The following MSRA variants were observed in gnomAD, a reference collection of about 807,000 sequenced individuals.
MSRA encodes the protein methionine sulfoxide reductase A.
Under a neutral mutation model 31.3 loss-of-function variants are expected in MSRA, and 54 were observed. The ratio of observed to expected loss-of-function variants is 1.73; its 90% CI spans 1.39 to 2.17. MSRA has a LOEUF of 2.17. Among genes scored for constraint, MSRA ranks in the 30% most tolerant of loss-of-function variants. The probability of loss-of-function intolerance (pLI) is 0.00; values close to 1 mark genes in which losing one functional copy is unlikely to be tolerated. For missense variants in MSRA, 507 were observed against 300.9 expected, an observed-to-expected ratio of 1.69 and a Z score of -5.07; for synonymous variants, 169 against 116.5, an observed-to-expected ratio of 1.45 and a Z score of -2.90.
At chr8:10,149,057 G>C (rs1803417644) in intron 1 of MSRA, among the ~76,000 whole-genome samples, 1 of 151,358 alleles carries the variant, frequency 6.6e-6, no homozygotes, top group South Asian at 2.1e-4. Flanking sequence ...CCAGGTTCCA[G>C]TGATTGTCTT....
intron 5 of MSRA, among the ~76,000 whole-genome samples, chr8:10,422,457 A>G (rs980427467): frequency 2.0e-5 from 3 of 152,220 alleles, no homozygotes; most frequent in Admixed American, 6.5e-5. Flanking sequence ...TCATTGAGGA[A>G]GAGTCTGTGA....
At chr8:10,417,343 G>T (rs1355222089) in intron 5 of MSRA, among the ~76,000 whole-genome samples, 1 of 151,930 alleles carries the variant, frequency 6.6e-6, no homozygotes, top group Non-Finnish European at 1.5e-5. Context: ...CAATTCCATT[G>T]TCCCAGAGCC....
intron 1 of MSRA, among the ~76,000 whole-genome samples, chr8:10,059,562 A>G (rs999352968): frequency 2.0e-5 from 3 of 152,216 alleles, no homozygotes; most frequent in Non-Finnish European, 4.4e-5. Flanking sequence ...GGTGTGAGGA[A>G]AGCCATGACT....
rs566059862 is a variant in MSRA, at chr8:10,330,532, C to G, written c.543+10543C>G. Among the ~76,000 whole-genome samples, 7 of 152,294 alleles carry G rather than the reference C, an allele frequency of 4.6e-5. No homozygotes were observed. In the East Asian group the frequency reaches 1.4e-3, roughly 29 times the overall value. On this transcript the variant is annotated intron_variant, in intron 5 of 5. Transcript: ENST00000317173. ...TACCTTATCAAATATTAATTATGTACAGATTCATTGCCAGACTTGCATTAC... is the reference window on the plus strand; with the variant it reads ...TACCTTATCAAATATTAATTATGTAGAGATTCATTGCCAGACTTGCATTAC...
rs149780758 is a variant in MSRA, at chr8:10,075,013, C to T, written c.142+20355C>T. Among the ~76,000 whole-genome samples, 7 of 152,284 alleles carry T rather than the reference C, an allele frequency of 4.6e-5. No homozygotes were observed. The East Asian group carries it at 1.4e-3, about 29-fold the overall frequency. ...CTTCTGTTTACCCATTACTGCCAAC[C>T]CATTTGACCCTCCTTGCTTAGGAAT... On this transcript the variant is annotated intron_variant, in intron 1 of 5. Coordinates refer to ENST00000317173, the MANE Select transcript of MSRA (RefSeq NM_012331.5).
At chr8:10,245,554 A>T (rs1475589296) in intron 3 of MSRA, among the ~76,000 whole-genome samples, 1 of 152,148 alleles carries the variant, frequency 6.6e-6, no homozygotes, top group African/African-American at 2.4e-5. Context: ...CTCACCTGGG[A>T]TTTGCTCATG....
intron 2 of MSRA, among the ~76,000 whole-genome samples, chr8:10,239,115 C>T (rs892465535): frequency 9.2e-5 from 14 of 151,990 alleles, no homozygotes; most frequent in Non-Finnish European, 1.6e-4. Flanking sequence ...GGCCCATATA[C>T]TATGTGAAGA....
chr8:10,197,392 G>C (rs1397203509), intron 1 of MSRA, among the ~76,000 whole-genome samples: 1 of 152,174 alleles, frequency 6.6e-6, no homozygotes, highest in Non-Finnish European at 1.5e-5. Context: ...GGCTAGTCTG[G>C]TGCTTGCCGG....
intron 4 of MSRA, among the ~76,000 whole-genome samples, chr8:10,318,094 C>T (rs1163483524): frequency 6.6e-6 from 1 of 152,188 alleles, no homozygotes; most frequent in East Asian, 1.9e-4. Flanking sequence ...CATCCAGAAG[C>T]ACTTTGTTCC....
intron 1 of MSRA, among the ~76,000 whole-genome samples, chr8:10,127,223 T>C (rs1241438036): frequency 1.3e-5 from 2 of 152,172 alleles, no homozygotes; most frequent in Non-Finnish European, 2.9e-5. Context: ...AAGTGTTCCA[T>C]TATTGGAACG....
chr8:10,236,783 T>C (rs561371787), intron 2 of MSRA, among the ~76,000 whole-genome samples: 1 of 152,296 alleles, frequency 6.6e-6, no homozygotes, highest in East Asian at 1.9e-4. Context: ...TGACATCAGG[T>C]GATCTGGCTG....
intron 5 of MSRA, among the ~76,000 whole-genome samples, chr8:10,359,709 T>A (rs969791946): frequency 1.3e-5 from 2 of 151,908 alleles, no homozygotes; most frequent in African/African-American, 4.8e-5. Flanking sequence ...GAGGATGGTC[T>A]CAGATGGAGG....
intron 5 of MSRA, chr8:10,337,446 T>C: frequency 2.5e-6 from 1 of 399,492 alleles, no homozygotes; most frequent in South Asian, 3.2e-5. Flanking sequence ...CCCAAAGTGC[T>C]GGGATTACAG....
chr8:10,069,197 C>T (rs1797609171), intron 1 of MSRA, among the ~76,000 whole-genome samples: 2 of 152,198 alleles, frequency 1.3e-5, no homozygotes, highest in Non-Finnish European at 2.9e-5. Context: ...ACAGTCATGT[C>T]ATCTGTGAAT....
At chr8:10,122,534 T>G (rs1229053850) in intron 1 of MSRA, among the ~76,000 whole-genome samples, 8 of 150,022 alleles carry the variant, frequency 5.3e-5, no homozygotes, top group African/African-American at 7.3e-5. Flanking sequence ...TTTTTTGTGT[T>G]TTTTTTTTTA....
intron 1 of MSRA, among the ~76,000 whole-genome samples, chr8:10,059,895 T>C (rs114127570): frequency 1.5e-3 from 232 of 152,330 alleles, no homozygotes; most frequent in African/African-American, 5.2e-3. Context: ...ACTTCACTTA[T>C]AATGAGAATG....
intron 1 of MSRA, among the ~76,000 whole-genome samples, chr8:10,167,796 T>A (rs549556799): frequency 6.6e-6 from 1 of 152,200 alleles, no homozygotes; most frequent in South Asian, 2.1e-4. Context: ...CATAGTGAGA[T>A]GTACAAACAG....
At chr8:10,243,811 C>G (rs977740463) in intron 2 of MSRA, among the ~76,000 whole-genome samples, 28 of 152,094 alleles carry the variant, frequency 1.8e-4, no homozygotes, top group African/African-American at 5.8e-4. Context: ...TTACTTTAGC[C>G]TTAGGTAATT....
intron 5 of MSRA, among the ~76,000 whole-genome samples, chr8:10,382,309 A>C (rs770594773): frequency 6.6e-6 from 1 of 152,184 alleles, no homozygotes; most frequent in Non-Finnish European, 1.5e-5. Context: ...ACCCTCCTGC[A>C]CTGCGGCTCT....
Sources: gnomAD v4.1 joint callset for allele counts (sites outside exome capture counted in the v4.1 genomes callset) on GRCh38, gnomAD v4.1.1 for gene constraint, MANE v1.5 for transcripts, NCBI Gene and HGNC (gene_info 2026-07-23, HGNC 2026-07-21) for gene names.